The following C1QTNF3 variants were observed in gnomAD, a reference collection of about 807,000 sequenced individuals.
The protein encoded by C1QTNF3 is complement C1q tumor necrosis factor-related protein 3.
C1QTNF3 carries 26 observed loss-of-function variants against 32.6 expected under a neutral mutation model. The observed-to-expected ratio is 0.80, with a 90% CI of 0.58 to 1.11. C1QTNF3 has a LOEUF of 1.11. Among genes scored for constraint, C1QTNF3 ranks in the 50% least tolerant of loss-of-function variants. The pLI is 0.00. For missense variants in C1QTNF3, 362 were observed against 398.2 expected (o/e 0.91, Z 0.77); for synonymous variants, 155 against 146.0 (o/e 1.06, Z -0.44).
chr5:34,210,895 T>C, the C1QTNF3 span, among the ~76,000 whole-genome samples: 1 of 152,140 alleles, frequency 6.6e-6, no homozygotes, highest in Non-Finnish European at 1.5e-5. Context: ...TTTTGCATTT[T>C]TTAATTTACT....
the C1QTNF3 span, among the ~76,000 whole-genome samples, chr5:34,120,133 A>G: frequency 6.6e-6 from 1 of 152,298 alleles, no homozygotes. Flanking sequence ...AATAAATAAC[A>G]TTTGGTCTAA....
intron 1 of C1QTNF3, among the ~76,000 whole-genome samples, chr5:34,038,862 C>T (rs757952309): frequency 6.6e-6 from 1 of 152,046 alleles, no homozygotes; most frequent in Non-Finnish European, 1.5e-5. Flanking sequence ...TCCACCTGAC[C>T]GGGAATATCA....
rs749125505 is a variant in C1QTNF3 at position 34,029,152 on chromosome 5, C to T, written c.571-269G>A. ...TTTTGAAATACTAAAATTCTGTTAT[C>T]AAATAATACCAGAAAATTTTATATG... On this transcript the variant is annotated intron_variant, in intron 3 of 5. Coordinates refer to ENST00000382065, the MANE Select transcript of C1QTNF3 (RefSeq NM_181435.6). The T allele has an allele frequency of 4.0e-4, 97 of 239,842 alleles. 1 individual carries two copies. The highest frequency in any genetic ancestry group is 6.5e-4 in the Non-Finnish European group (82 of 126,372). 14.9% of individuals were successfully genotyped at this position (239,842 alleles called of 1,614,324 possible).
At chr5:34,223,612 T>G in the C1QTNF3 span, among the ~76,000 whole-genome samples, 374 of 145,460 alleles carry the variant, frequency 2.6e-3, no homozygotes, top group South Asian at 4.4e-3. Flanking sequence ...TCCACAATGG[T>G]CGAACTAGTT....
At chr5:34,236,572 T>C in the C1QTNF3 span, among the ~76,000 whole-genome samples, 4 of 104,764 alleles carry the variant, frequency 3.8e-5, no homozygotes, top group East Asian at 9.6e-4. Context: ...TCTTTTTTCT[T>C]TTTTTTTTTT....
chr5:34,042,810 G>A lies in C1QTNF3; in HGVS notation c.303+13C>T. Reference sequence around the variant, plus strand: ...AGCTTTCACAAAAATCCTTAGAAGAGAATTCTGAGTACCTGGCCCCAGAAT... The same window carrying A: ...AGCTTTCACAAAAATCCTTAGAAGAAAATTCTGAGTACCTGGCCCCAGAAT... On this transcript the variant is annotated intron_variant, in intron 1 of 5. Transcript: ENST00000382065. The A allele has an allele frequency of 6.2e-7, 1 of 1,603,476 alleles. No homozygotes were observed. Among genetic ancestry groups the A allele is most frequent in the South Asian group, 1.1e-5 (1 of 89,994 alleles).
At chr5:34,037,639 A>AGTCTT in intron 1 of C1QTNF3, among the ~76,000 whole-genome samples, 1 of 152,332 alleles carries the variant, frequency 6.6e-6, no homozygotes, top group South Asian at 2.1e-4. Context: ...GCTAACTCCT[A>AGTCTT]GTCTTGTCTT....
the C1QTNF3 span, among the ~76,000 whole-genome samples, chr5:34,215,279 G>T: frequency 6.6e-6 from 1 of 152,024 alleles, no homozygotes; most frequent in African/African-American, 2.4e-5. Flanking sequence ...GTAAGCCTGG[G>T]CTAGGGGAGC....
the C1QTNF3 span, among the ~76,000 whole-genome samples, chr5:34,178,109 A>G: frequency 0.013 from 1,833 of 144,262 alleles, 6 homozygotes; most frequent in South Asian, 0.045. Flanking sequence ...TCTACTAAAA[A>G]AAAAAAAAAA....
upstream of C1QTNF3, among the ~76,000 whole-genome samples, chr5:34,044,413 G>A (rs1754946807): frequency 6.6e-6 from 1 of 152,178 alleles, no homozygotes; most frequent in Non-Finnish European, 1.5e-5. Flanking sequence ...TGATGAGAAG[G>A]GGGCGAGGAG....
At chr5:34,224,800 A>G in the C1QTNF3 span, among the ~76,000 whole-genome samples, 1 of 152,200 alleles carries the variant, frequency 6.6e-6, no homozygotes, top group South Asian at 2.1e-4. Flanking sequence ...AAATTGACAA[A>G]TGGGATCTCA....
chr5:34,200,725 G>A, the C1QTNF3 span: 8 of 151,878 alleles, frequency 5.3e-5, no homozygotes, highest in African/African-American at 9.7e-5. Flanking sequence ...TTTGTCTCTC[G>A]TCAATCTCTA....
Position 34,020,683 on chromosome 5 carries a change from T to C in C1QTNF3, c.860A>G (p.Lys287Arg), listed in dbSNP as rs1754303172. 2.5e-6 allele frequency: 4 copies of C among 1,614,124 alleles called. No individual in the cohort carries two copies. Among genetic ancestry groups the C allele is most frequent in the Non-Finnish European group, 3.4e-6 (4 of 1,180,046 alleles). The change falls in exon 6 of 6, where the codon AAA becomes AGA. Residue 287 changes from lysine to arginine, a missense_variant. Lys to Arg is a conservative substitution (Grantham distance 26). Transcript: ENST00000382065. ...CATTCGCAGCCAAACCTCATCCCCT[T>C]TGGCTAGCTTCAGCACAGCATGATT... is the stretch of plus-strand genomic sequence containing the variant. ...SSNHAVLKLAKGDEVWLRMGN... is the reference protein window; with the variant it reads ...SSNHAVLKLARGDEVWLRMGN...
At chr5:34,069,123 A>G in the C1QTNF3 span, among the ~76,000 whole-genome samples, 5 of 145,226 alleles carry the variant, frequency 3.4e-5, no homozygotes, top group South Asian at 4.6e-4. Flanking sequence ...GCCAAGCTCC[A>G]TAACTGCCTA....
chr5:34,026,449 C>G (rs1754459933), intron 4 of C1QTNF3, among the ~76,000 whole-genome samples: 1 of 122,140 alleles, frequency 8.2e-6, no homozygotes, highest in Non-Finnish European at 1.6e-5. Flanking sequence ...ATCTCAAAAT[C>G]TGCCAGCAAA....
At chr5:34,163,395 T>A in the C1QTNF3 span, among the ~76,000 whole-genome samples, 1 of 151,994 alleles carries the variant, frequency 6.6e-6, no homozygotes, top group Non-Finnish European at 1.5e-5. Flanking sequence ...TAAACTGCAA[T>A]CTAGAGAAAG....
the C1QTNF3 span, among the ~76,000 whole-genome samples, chr5:34,101,425 ATTTACATAAAAGTGCT>A: frequency 6.6e-6 from 1 of 152,052 alleles, no homozygotes; most frequent in Non-Finnish European, 1.5e-5. Flanking sequence ...AAGCAAAATA[ATTTACATAAAAGTGCT>A]TGGCGCATTT....
At position 34,019,677 on chromosome 5, in the gene C1QTNF3, T is replaced by C. The variant is rs1253041427; in HGVS notation, c.*906A>G. 6.6e-6 allele frequency: 1 copy of C among 152,268 alleles called. No individual in the cohort carries two copies. The highest frequency in any genetic ancestry group is 1.5e-5 in the Non-Finnish European group (1 of 68,046). 9.4% of individuals were successfully genotyped at this position (152,268 alleles called of 1,614,324 possible). Reference sequence around the variant, plus strand: ...CAATTCTATGACTATTAAAGTTTATTAAACACAAGTTTAGAAAGTATCTTT... The same window carrying C: ...CAATTCTATGACTATTAAAGTTTATCAAACACAAGTTTAGAAAGTATCTTT... On this transcript the variant is annotated 3_prime_UTR_variant, in exon 6 of 6. Transcript: ENST00000382065.
chr5:34,169,940 C>A, the C1QTNF3 span, among the ~76,000 whole-genome samples: 1 of 152,154 alleles, frequency 6.6e-6, no homozygotes, highest in South Asian at 2.1e-4. Context: ...GATACATATC[C>A]AAAACAATTA....
Sources: gnomAD v4.1 joint callset for allele counts (sites outside exome capture counted in the v4.1 genomes callset) on GRCh38, gnomAD v4.1.1 for gene constraint, MANE v1.5 for transcripts, NCBI Gene and HGNC (gene_info 2026-07-23, HGNC 2026-07-21) for gene names.